The following CNTROB variants were observed in gnomAD, a reference collection of about 807,000 sequenced individuals.
CNTROB encodes centrobin.
CNTROB carries 82 observed loss-of-function variants against 115.7 expected under a neutral mutation model. The ratio of observed to expected loss-of-function variants is 0.71; its 90% CI spans 0.59 to 0.85. The LOEUF is 0.85. Ranked by LOEUF, CNTROB falls within the 40% of genes least tolerant of loss-of-function variation. The pLI, the probability that CNTROB is intolerant of heterozygous loss-of-function variation, is 0.00. For synonymous variants in CNTROB, 439 were observed against 456.4 expected (o/e 0.96, Z 0.49); for missense variants, 1,014 against 1,144.4 (o/e 0.89, Z 1.64).
In CNTROB at chr17:7,947,564, T is replaced by C; in HGVS notation, c.1994-7T>C. 6.3e-7 allele frequency: 1 copy of C among 1,597,912 alleles called. No homozygotes were observed. On this transcript the variant is annotated splice_region_variant and splice_polypyrimidine_tract_variant and intron_variant, in intron 13 of 18. Coordinates refer to ENST00000563694, the MANE Select transcript of CNTROB (RefSeq NM_053051.5). ...TTGCACCCACCCATACCTGTTTCAC[T>C]TTATAGCTGGGGCCTTCTCTGCACT...
Position 7,936,750 on chromosome 17 carries a change from C to T in CNTROB, c.761C>T (p.Thr254Ile), listed in dbSNP as rs769127193. Reference sequence around the variant, plus strand: ...TGGAACCGGCATGAGGCTGAGCGGACAGAGGTTCTCAGGGGACTTCAAGAG... The same window carrying T: ...TGGAACCGGCATGAGGCTGAGCGGATAGAGGTTCTCAGGGGACTTCAAGAG... ...EGWNRHEAER[T>I]EVLRGLQEEH... Residue 254 changes from threonine (T) to isoleucine (I), a missense_variant, in exon 6 of 19, where the codon ACA (threonine) becomes ATA (isoleucine). Thr to Ile is a moderately conservative substitution (Grantham distance 89). Coordinates refer to ENST00000563694, the MANE Select transcript of CNTROB (RefSeq NM_053051.5). 1.3e-6 allele frequency: 2 copies of T among 1,572,834 alleles called. No homozygotes were observed. Among genetic ancestry groups the T allele is most frequent in the East Asian group, 2.2e-5 (1 of 44,712 alleles).
At position 7,944,296 on chromosome 17, in the gene CNTROB, G is replaced by A; in HGVS notation, c.1571+48G>A. ...TTTCAGGCCCCAGCCCCTTTCCCAT[G>A]GGTAGAGCCCAAACTGGGAACGGTG... is the stretch of plus-strand genomic sequence containing the variant. On this transcript the variant is annotated intron_variant, in intron 11 of 18. Coordinates refer to ENST00000563694, the MANE Select transcript of CNTROB (RefSeq NM_053051.5). This position sits in a 1 kb window ranked among gnomAD's most constrained non-coding sequence, Gnocchi z 4.0. 1 of 1,601,734 alleles carries A rather than the reference G, an allele frequency of 6.2e-7. No individual in the cohort carries two copies. The highest frequency in any genetic ancestry group is 8.6e-7 in the Non-Finnish European group (1 of 1,168,810).
At position 7,945,841 on chromosome 17, in the gene CNTROB, C is replaced by T; in HGVS notation, c.1848C>T (p.Ser616=). 6.2e-7 allele frequency: 1 copy of T among 1,614,166 alleles called. No homozygotes were observed. Among genetic ancestry groups the T allele is most frequent in the Non-Finnish European group, 8.5e-7 (1 of 1,180,030 alleles). ...CCCTGAAGCCTGTATTGCAGCAGAG[C>T]CGGGAAGCAAGGGACGAGCTACCTG... ...AVALKPVLQQ[S]REARDELPGA... The change falls in exon 13 of 19, where the codon AGC becomes AGT. Residue 616 remains serine, a synonymous_variant. Coordinates refer to ENST00000563694, the MANE Select transcript of CNTROB (RefSeq NM_053051.5).
At position 7,948,541 on chromosome 17, in the gene CNTROB, G is replaced by A. The variant is rs371893023; in HGVS notation, c.2435G>A (p.Arg812Gln). The change falls in exon 17 of 19, where the codon CGA becomes CAA. Residue 812 changes from arginine (R) to glutamine (Q), a missense_variant. Transcript: ENST00000563694. This position sits in a 1 kb window ranked among gnomAD's most constrained non-coding sequence, Gnocchi z 4.4. Reference protein sequence around the residue: ...RQLMEVSQLLRLYQARGWGAL... With the variant: ...RQLMEVSQLLQLYQARGWGAL... ...CTGATGGAGGTGTCTCAACTGTTGC[G>A]ACTCTACCAGGCTCGGGGCTGGGGG... is the stretch of plus-strand genomic sequence containing the variant. The A allele has an allele frequency of 3.1e-6, 5 of 1,614,026 alleles. No homozygotes were observed. The highest frequency in any genetic ancestry group is 1.7e-6 in the Non-Finnish European group (2 of 1,180,008).
At position 7,944,023 on chromosome 17, in the gene CNTROB, T is replaced by C. The variant is rs537681851; in HGVS notation, c.1446-100T>C. On this transcript the variant is annotated intron_variant, in intron 10 of 18. Coordinates refer to ENST00000563694, the MANE Select transcript of CNTROB (RefSeq NM_053051.5). The surrounding 1 kb of genome is among the most constrained non-coding windows in gnomAD (Gnocchi z 4.0). The stretch of plus-strand genomic sequence containing the variant: ...GCCATGGCCAGGCTAGCTGACTGGC[T>C]ATCTGGGTCACTGTCATGTGCACAC... 1.9e-4 allele frequency: 163 copies of C among 861,942 alleles called. No individual in the cohort carries two copies. The African/African-American group carries it at 2.6e-3, about 14-fold the overall frequency. 53.4% of individuals were successfully genotyped at this position (861,942 alleles called of 1,614,324 possible). A position where few individuals can be genotyped will look rare whatever the true frequency, so the allele number is the denominator to read the frequency against.
chr17:7,936,488 AG>A lies in CNTROB; in HGVS notation c.711+9del. 1 of 1,194,262 alleles carries A rather than the reference AG, an allele frequency of 8.4e-7. No individual in the cohort carries two copies. The highest frequency in any genetic ancestry group is 1.3e-6 in the Non-Finnish European group (1 of 796,340). The allele number at this position is 1,194,262 out of a possible 1,614,324, so 74.0% of individuals were successfully genotyped here. A position where few individuals can be genotyped will look rare whatever the true frequency, so the allele number is the denominator to read the frequency against. On this transcript the variant is annotated splice_region_variant and intron_variant, in intron 5 of 18. Transcript: ENST00000563694. ...TGATTGAACAACTGGACAAGGTACC[AG>A]GGTAGCAAAATGTGGGTGGGTCTCT...
intron 9 of CNTROB, among the ~76,000 whole-genome samples, chr17:7,941,020 T>C (rs1973788677): frequency 6.6e-6 from 1 of 152,176 alleles, no homozygotes; most frequent in Admixed American, 6.5e-5. Flanking sequence ...GAGGGCTGAA[T>C]TGGGCTGTAG....
At chr17:7,935,974 T>C (rs1372140728) in intron 4 of CNTROB, 1 of 174,798 alleles carries the variant, frequency 5.7e-6, no homozygotes, top group African/African-American at 2.4e-5. Flanking sequence ...CCCCTTGGCA[T>C]GAATGAAAGG....
chr17:7,936,879 C>T (rs1973246469), intron 6 of CNTROB, 62 bp downstream of exon 6: 2 of 830,200 alleles, frequency 2.4e-6, no homozygotes, highest in Non-Finnish European at 2.1e-6. Context: ...TGGAAAGGGG[C>T]AGAAATAGCT....
In CNTROB at chr17:7,948,106, C is replaced by T. The variant is rs1186214927; in HGVS notation, c.2210-51C>T. 2 of 1,610,794 alleles carry T rather than the reference C, an allele frequency of 1.2e-6. No individual in the cohort carries two copies. The highest frequency in any genetic ancestry group is 2.2e-5 in the East Asian group (1 of 44,862). On this transcript the variant is annotated intron_variant, in intron 15 of 18. Coordinates refer to ENST00000563694, the MANE Select transcript of CNTROB (RefSeq NM_053051.5). This position sits in a 1 kb window ranked among gnomAD's most constrained non-coding sequence, Gnocchi z 4.4. ...TATAAATGCTGGGTGGTGGGACTTC[C>T]TTGGTTCTATGCCCCATTTCCTGAT... is the stretch of plus-strand genomic sequence containing the variant.
chr17:7,942,326 T>C (rs544100823), intron 9 of CNTROB, among the ~76,000 whole-genome samples: 73 of 151,212 alleles, frequency 4.8e-4, no homozygotes, highest in African/African-American at 1.7e-3. Context: ...CTTTGGGCCA[T>C]GCGCGGTGGC....
rs1208954452 is a variant in CNTROB, at chr17:7,944,370, T to C, written c.1572-106T>C. 6.4e-7 allele frequency: 1 copy of C among 1,563,626 alleles called. No individual in the cohort carries two copies. The highest frequency in any genetic ancestry group is 1.7e-5 in the Admixed American group (1 of 58,760). On this transcript the variant is annotated intron_variant, in intron 11 of 18. Transcript: ENST00000563694. The surrounding 1 kb of genome is among the most constrained non-coding windows in gnomAD (Gnocchi z 4.0). ...TGTCCTCCTCTACATGGGCCCCAGCTCCTTTCAGAATATCAGATGTCCAAC... is the reference window on the plus strand; with the variant it reads ...TGTCCTCCTCTACATGGGCCCCAGCCCCTTTCAGAATATCAGATGTCCAAC...
At position 7,932,926 on chromosome 17, in the gene CNTROB, A is replaced by G. The variant is rs1972679059; in HGVS notation, c.-154A>G. ...ACTGGTGGAAACCTTTCCTCTAACC[A>G]GAAAGCCTCGATATCCTTAATTCAC... On this transcript the variant is annotated 5_prime_UTR_variant, in exon 1 of 19. Coordinates refer to ENST00000563694, the MANE Select transcript of CNTROB (RefSeq NM_053051.5). 4 of 822,606 alleles carry G rather than the reference A, an allele frequency of 4.9e-6. No individual in the cohort carries two copies. Among genetic ancestry groups the G allele is most frequent in the Non-Finnish European group, 7.6e-6 (4 of 529,028 alleles). 51.0% of individuals were successfully genotyped at this position (822,606 alleles called of 1,614,324 possible). A position where few individuals can be genotyped will look rare whatever the true frequency, so the allele number is the denominator to read the frequency against.
chr17:7,948,820 A>G lies in CNTROB; in HGVS notation c.2513+201A>G. The G allele has an allele frequency of 2.0e-6, 3 of 1,467,116 alleles. No homozygotes were observed. The Admixed American group carries it at 8.0e-5, about 39-fold the overall frequency. 90.9% of individuals were successfully genotyped at this position (1,467,116 alleles called of 1,614,324 possible). A position where few individuals can be genotyped will look rare whatever the true frequency, so the allele number is the denominator to read the frequency against. On this transcript the variant is annotated intron_variant, in intron 17 of 18. Transcript: ENST00000563694. The surrounding 1 kb of genome is among the most constrained non-coding windows in gnomAD (Gnocchi z 4.4). ...CTCCTTTCTATTGCTTTTTTCTTCTAAACAAAAAAATCTTTTCCCCGGGTC... is the reference window on the plus strand; with the variant it reads ...CTCCTTTCTATTGCTTTTTTCTTCTGAACAAAAAAATCTTTTCCCCGGGTC...
In CNTROB at chr17:7,948,099, G is replaced by A; in HGVS notation, c.2210-58G>A. The A allele has an allele frequency of 6.2e-7, 1 of 1,606,370 alleles. No homozygotes were observed. Among genetic ancestry groups the A allele is most frequent in the Non-Finnish European group, 8.5e-7 (1 of 1,173,512 alleles). On this transcript the variant is annotated intron_variant, in intron 15 of 18. Coordinates refer to ENST00000563694, the MANE Select transcript of CNTROB (RefSeq NM_053051.5). The surrounding 1 kb of genome is among the most constrained non-coding windows in gnomAD (Gnocchi z 4.4). ...AAAGCCTTATAAATGCTGGGTGGTG[G>A]GACTTCCTTGGTTCTATGCCCCATT...
rs775077130 is a variant in CNTROB, at chr17:7,945,998, C to T, written c.1993+12C>T. ...CACTTCATCCACAGGTAACTGGGGG[C>T]AGAAGTCACTGGGGTTCCCCTTCTG... is the stretch of plus-strand genomic sequence containing the variant. On this transcript the variant is annotated intron_variant, in intron 13 of 18. Transcript: ENST00000563694. The T allele has an allele frequency of 6.2e-7, 1 of 1,612,180 alleles. No homozygotes were observed. The highest frequency in any genetic ancestry group is 2.2e-5 in the East Asian group (1 of 44,870).
chr17:7,942,596 C>CAAAA (rs377086554), intron 9 of CNTROB, among the ~76,000 whole-genome samples: 2 of 56,478 alleles, frequency 3.5e-5, no homozygotes, highest in Non-Finnish European at 6.1e-5. Flanking sequence ...GACTCCATCT[C>CAAAA]AAAAAAAAAA....
intron 13 of CNTROB, among the ~76,000 whole-genome samples, chr17:7,947,019 G>T (rs1598110889): frequency 6.6e-6 from 1 of 151,950 alleles, no homozygotes; most frequent in African/African-American, 2.4e-5. Flanking sequence ...AAGTTAGCCG[G>T]GCGTGGTGGC....
At chr17:7,945,601 G>A (rs1326483414) in intron 12 of CNTROB, 127 bp from the exon 13 acceptor site, 1 of 975,548 alleles carries the variant, frequency 1.0e-6, no homozygotes, top group Non-Finnish European at 1.5e-6. Flanking sequence ...TCCTCCCAAA[G>A]TGTTGGGATT....
Sources: allele counts gnomAD v4.1 joint callset (sites outside exome capture counted in the v4.1 genomes callset), GRCh38; gene constraint gnomAD v4.1.1; non-coding constraint Gnocchi (gnomAD v3.1); transcripts MANE v1.5; gene names NCBI Gene and HGNC (gene_info 2026-07-23, HGNC 2026-07-21).